Variants in GCC2 observed in about 807,000 individuals in gnomAD.
GCC2 encodes GRIP and coiled-coil domain-containing protein 2.
A neutral mutation model predicts 210.6 loss-of-function variants in GCC2; 120 were observed. The ratio of observed to expected loss-of-function variants is 0.57; its 90% CI spans 0.49 to 0.66. The LOEUF (loss-of-function observed/expected upper bound fraction) is 0.66. Among genes scored for constraint, GCC2 ranks in the 30% least tolerant of loss-of-function variants. The pLI, the probability that GCC2 is intolerant of heterozygous loss-of-function variation, is 0.00. For synonymous variants in GCC2, 703 were observed against 652.7 expected, an observed-to-expected ratio of 1.08 and a Z score of -1.17; for missense variants, 1,868 against 1,871.9, an observed-to-expected ratio of 1.00 and a Z score of 0.04.
At chr2:108,472,927 CAATT>C (rs767832274) in intron 7 of GCC2, 28 bp downstream of exon 7, 105 of 1,238,086 alleles carry the variant, frequency 8.5e-5, no homozygotes, top group Non-Finnish European at 9.8e-5. Flanking sequence ...GATGTTGTCA[CAATT>C]AATTAGACAG....
In GCC2 at chr2:108,460,927, G is replaced by A. The variant is rs574505346; in HGVS notation, c.217-8053G>A. On this transcript the variant is annotated intron_variant, in intron 4 of 22. Coordinates refer to ENST00000309863, the MANE Select transcript of GCC2 (RefSeq NM_181453.4). ...GCCTTCACTCTCTTCCTCCTGCTCC[G>A]ACCCTGTAAGATGTGCCTCCTTCTC... Among the ~76,000 whole-genome samples the A allele has an allele frequency of 4.6e-5, 7 of 152,204 alleles. No individual in the cohort carries two copies. The South Asian group carries it at 8.3e-4, about 18-fold the overall frequency.
At chr2:108,503,285 T>C (rs1315499783) in intron 22 of GCC2, among the ~76,000 whole-genome samples, 2 of 152,078 alleles carry the variant, frequency 1.3e-5, no homozygotes, top group Non-Finnish European at 2.9e-5. Context: ...ACAATAGACT[T>C]CTCAACAGCA....
intron 4 of GCC2, among the ~76,000 whole-genome samples, chr2:108,453,803 C>A (rs973538535): frequency 2.1e-5 from 3 of 141,762 alleles, no homozygotes; most frequent in Non-Finnish European, 4.6e-5. Flanking sequence ...AAAAAAAAAA[C>A]ACAAAAAATC....
Position 108,470,725 on chromosome 2 carries a change from T to C in GCC2, c.1396T>C (p.Cys466Arg), listed in dbSNP as rs1047693033. The stretch of plus-strand genomic sequence containing the variant: ...TGAAATACAGGGTCTTAAGGAACAG[T>C]GTGAAAACCTACAGCAAGAAAAGCA... ...MFEIQGLKEQCENLQQEKQEA... is the reference protein window; with the variant it reads ...MFEIQGLKEQRENLQQEKQEA... The change falls in exon 6 of 23, where the codon TGT (cysteine) becomes CGT (arginine). Residue 466 changes from cysteine to arginine, a missense_variant. This residue lies in a region of GCC2 where 1,847 missense variants were observed against 1,765.2 expected (regional missense o/e 1.05). Coordinates refer to ENST00000309863, the MANE Select transcript of GCC2 (RefSeq NM_181453.4). 1.9e-6 allele frequency: 3 copies of C among 1,612,816 alleles called. No individual in the cohort carries two copies. The highest frequency in any genetic ancestry group is 2.5e-6 in the Non-Finnish European group (3 of 1,179,540).
At chr2:108,501,174 A>G (rs1165055007) in intron 22 of GCC2, among the ~76,000 whole-genome samples, 2 of 151,854 alleles carry the variant, frequency 1.3e-5, no homozygotes, top group South Asian at 4.2e-4. Flanking sequence ...TTTAGTAGAG[A>G]CGAGGTTTCA....
At chr2:108,473,066 C>T (rs1681324289) in intron 7 of GCC2, 167 bp downstream of exon 7, 1 of 488,850 alleles carries the variant, frequency 2.0e-6, no homozygotes, top group Non-Finnish European at 3.6e-6. Flanking sequence ...TGTTTGCCTT[C>T]TCTTTCAAAA....
At chr2:108,457,116 T>C (rs1345170032) in intron 4 of GCC2, among the ~76,000 whole-genome samples, 1 of 141,442 alleles carries the variant, frequency 7.1e-6, no homozygotes, top group Non-Finnish European at 1.5e-5. Flanking sequence ...CTTTTGGGTC[T>C]TATATAATAT....
intron 4 of GCC2, among the ~76,000 whole-genome samples, chr2:108,454,941 G>A (rs1392706784): frequency 6.7e-6 from 1 of 149,816 alleles, no homozygotes; most frequent in African/African-American, 2.5e-5. Flanking sequence ...CGCCCAGGCT[G>A]GAGTGCAGTG....
chr2:108,483,452 T>C (rs1436661594), intron 12 of GCC2, among the ~76,000 whole-genome samples: 2 of 152,036 alleles, frequency 1.3e-5, no homozygotes, highest in African/African-American at 4.8e-5. Flanking sequence ...CTGGAACTCC[T>C]GACCTCAAAT....
intron 22 of GCC2, among the ~76,000 whole-genome samples, chr2:108,503,490 ACCACC>A (rs1353294290): frequency 6.6e-6 from 1 of 152,236 alleles, no homozygotes; most frequent in Non-Finnish European, 1.5e-5. Context: ...AAGGAAACTT[ACCACC>A]ATATTACAGA....
At chr2:108,507,425 G>C (rs1326047107) in intron 22 of GCC2, 135 bp from the exon 23 acceptor site, 4 of 409,948 alleles carry the variant, frequency 9.8e-6, no homozygotes, top group Non-Finnish European at 1.2e-5. Context: ...CCAAAAAAAA[G>C]GCATGTAATC....
intron 21 of GCC2, 125 bp downstream of exon 21, chr2:108,497,234 A>T (rs544293772): frequency 2.0e-6 from 3 of 1,504,704 alleles, no homozygotes; most frequent in Non-Finnish European, 2.8e-6. Flanking sequence ...CTCCTGCCTC[A>T]GCCTCCCGAG....
In GCC2 at chr2:108,471,399, T is replaced by C. The variant is rs577283127; in HGVS notation, c.2070T>C (p.Leu690=). 5 of 1,607,050 alleles carry C rather than the reference T, an allele frequency of 3.1e-6. No individual in the cohort carries two copies. In the East Asian group the frequency reaches 1.1e-4, roughly 36 times the overall value. ...KEVLSAEVKS[L]YEENNKLSSE... is the part of the protein sequence containing the mutation. ...TATTGTCAGCTGAAGTGAAGTCTCTTTATGAGGAAAACAATAAACTCAGTT... is the reference window on the plus strand; with the variant it reads ...TATTGTCAGCTGAAGTGAAGTCTCTCTATGAGGAAAACAATAAACTCAGTT... The change falls in exon 6 of 23, where the codon CTT becomes CTC. Residue 690 remains leucine, a synonymous_variant. Coordinates refer to ENST00000309863, the MANE Select transcript of GCC2 (RefSeq NM_181453.4).
chr2:108,459,093 A>G (rs1386520749), intron 4 of GCC2, among the ~76,000 whole-genome samples: 5 of 152,116 alleles, frequency 3.3e-5, no homozygotes, highest in Non-Finnish European at 7.4e-5. Flanking sequence ...GTTGTATCAC[A>G]CAGGTTTTGT....
At chr2:108,484,401 C>A in intron 13 of GCC2, 90 bp downstream of exon 13, 1 of 699,122 alleles carries the variant, frequency 1.4e-6, no homozygotes, top group Non-Finnish European at 2.3e-6. Flanking sequence ...TTTCACCAGT[C>A]TTTCACTGTC....
chr2:108,491,734 A>G (rs1682410645), intron 18 of GCC2, among the ~76,000 whole-genome samples: 1 of 151,594 alleles, frequency 6.6e-6, no homozygotes, highest in Non-Finnish European at 1.5e-5. Context: ...TTTTTATGAG[A>G]GAATTCTGTG....
rs866341013 is a variant in GCC2 at position 108,454,943 on chromosome 2, A to G, written c.216+2477A>G. Among the ~76,000 whole-genome samples the G allele has an allele frequency of 6.7e-5, 10 of 149,644 alleles. No homozygotes were observed. In the Middle Eastern group the frequency reaches 0.01, roughly 153 times the overall value. The stretch of plus-strand genomic sequence containing the variant: ...GATTTCTCCCTATCGCCCAGGCTGG[A>G]GTGCAGTGGCGTGATCTCCGCTCAC... On this transcript the variant is annotated intron_variant, in intron 4 of 22. Transcript: ENST00000309863.
At chr2:108,498,736 A>G (rs2953736) in intron 21 of GCC2, among the ~76,000 whole-genome samples, 118,495 of 151,864 alleles carry the variant, frequency 0.78, 47,271 homozygotes, top group East Asian at 1. Context: ...GTTTTACATT[A>G]TCTTATATTC....
intron 4 of GCC2, among the ~76,000 whole-genome samples, chr2:108,468,657 T>C (rs1681029238): frequency 6.6e-6 from 1 of 152,212 alleles, no homozygotes; most frequent in African/African-American, 2.4e-5. Context: ...CTCAACAATA[T>C]CTGTTGCCTC....
Sources: allele counts gnomAD v4.1 joint callset (sites outside exome capture counted in the v4.1 genomes callset), GRCh38; gene constraint gnomAD v4.1.1; regional missense constraint gnomAD v4.1.1; transcripts MANE v1.5; gene names NCBI Gene and HGNC (gene_info 2026-07-23, HGNC 2026-07-21).